IDUA: variants seen among roughly 807,000 people sequenced by gnomAD.
IDUA encodes the protein iduronidase alpha-L-.
IDUA carries 65 observed loss-of-function variants against 68.9 expected under a neutral mutation model. The ratio of observed to expected loss-of-function variants is 0.94; its 90% CI spans 0.77 to 1.16. The LOEUF (loss-of-function observed/expected upper bound fraction) is 1.16, where lower values mean the gene tolerates loss of function less well. Ranked by LOEUF, IDUA falls within the 50% of genes most tolerant of loss-of-function variation. The pLI, the probability that IDUA is intolerant of heterozygous loss-of-function variation, is 0.00. For missense variants in IDUA, 1,046 were observed against 938.0 expected (o/e 1.12, Z -1.50); for synonymous variants, 529 against 433.6 (o/e 1.22, Z -2.73).
Position 1,003,826 on chromosome 4 carries a change from G to A in IDUA, c.1728-186G>A, listed in dbSNP as rs1203976620. The A allele has an allele frequency of 1.8e-5, 14 of 779,816 alleles. No homozygotes were observed. The East Asian group carries it at 2.1e-4, about 12-fold the overall frequency. 48.3% of individuals were successfully genotyped at this position (779,816 alleles called of 1,614,324 possible). On this transcript the variant is annotated intron_variant, in intron 12 of 13. Coordinates refer to ENST00000514224, the MANE Select transcript of IDUA (RefSeq NM_000203.5). ...CAGTGGGGTGTGGGTTCTCCTAGGG[G>A]ACATGAGATGGACATTCGGGCTCCA...
chr4:988,079 C>G, intron 2 of IDUA, 130 bp downstream of exon 2: 2 of 1,455,490 alleles, frequency 1.4e-6, no homozygotes, highest in South Asian at 2.8e-5. Flanking sequence ...TTGGGGAGAG[C>G]GTGTCCTTGC....
At chr4:988,990 C>G in intron 2 of IDUA, 2 of 1,592,938 alleles carry the variant, frequency 1.3e-6, no homozygotes, top group East Asian at 2.3e-5. Context: ...CACAGGCGGG[C>G]TGCAGCAGGC....
intron 2 of IDUA, chr4:990,637 G>A (rs188824201): frequency 1.1e-4 from 53 of 498,200 alleles, no homozygotes; most frequent in African/African-American, 3.1e-4. Flanking sequence ...GCAGCAGCCC[G>A]TTTTATTTCA....
At chr4:994,658 T>C (rs1354667243) in intron 2 of IDUA, among the ~76,000 whole-genome samples, 3 of 152,048 alleles carry the variant, frequency 2.0e-5, no homozygotes, top group African/African-American at 7.2e-5. Context: ...AGGATGGTCT[T>C]GATCTCCTGA....
At chr4:990,857 A>G (rs112159107) in intron 2 of IDUA, 8 of 481,788 alleles carry the variant, frequency 1.7e-5, no homozygotes, top group African/African-American at 1.4e-4. Flanking sequence ...CCACTGAGCC[A>G]CAGCCACACC....
In IDUA at chr4:1,000,973, G is replaced by A; in HGVS notation, c.477G>A (p.Leu159=). 6 of 1,612,610 alleles carry A rather than the reference G, an allele frequency of 3.7e-6. No individual in the cohort carries two copies. The highest frequency in any genetic ancestry group is 5.1e-6 in the Non-Finnish European group (6 of 1,179,316). Residue 159 remains leucine, a synonymous_variant, in exon 4 of 14, where the codon CTG becomes CTA. Transcript: ENST00000514224. ...VFEWKDLVSS[L]ARRYIGRYGL... is the part of the protein sequence containing the mutation. ...AGTGGAAGGACTTGGTCTCCAGCCT[G>A]GCCAGGAGATACATCGGTGGGCGAG...
chr4:1,004,355 C>T lies in IDUA; in HGVS notation c.1924C>T (p.Pro642Ser), dbSNP rs1379718691. 1.2e-6 allele frequency: 2 copies of T among 1,611,632 alleles called. No homozygotes were observed. The highest frequency in any genetic ancestry group is 1.7e-5 in the Admixed American group (1 of 60,004). The part of the protein sequence containing the change: ...FSDPVPYLEV[P>S]VPRGPPSPGN... ...GGACCCTGTGCCGTACCTGGAGGTC[C>T]CTGTGCCAAGAGGGCCCCCATCCCC... The change falls in exon 14 of 14, where the codon CCT (proline) becomes TCT (serine). Residue 642 changes from proline to serine, a missense_variant. Pro to Ser is a moderately conservative substitution (Grantham distance 74). Transcript: ENST00000514224. This position sits in a 1 kb window ranked among gnomAD's most constrained non-coding sequence, Gnocchi z 5.0.
At chr4:991,762 G>A in intron 2 of IDUA, 1 of 1,529,212 alleles carries the variant, frequency 6.5e-7, no homozygotes, top group Non-Finnish European at 8.7e-7. Context: ...GGTCACAGGA[G>A]CCCCCGGATC....
chr4:990,489 G>C, intron 2 of IDUA: 1 of 949,682 alleles, frequency 1.1e-6, no homozygotes, highest in South Asian at 1.7e-5. Context: ...TTGCGGCCCC[G>C]TGTGTTCCAA....
At chr4:997,787 G>A (rs1017667107) in intron 2 of IDUA, among the ~76,000 whole-genome samples, 6 of 152,108 alleles carry the variant, frequency 3.9e-5, no homozygotes, top group Admixed American at 1.3e-4. Flanking sequence ...CTGACCCCGG[G>A]GTTCCTGGGC....
At position 1,004,301 on chromosome 4, in the gene IDUA, G is replaced by A. The variant is rs1715311906; in HGVS notation, c.1870G>A (p.Asp624Asn). ...VSGSYRVRAL[D>N]YWARPGPFSD... The stretch of plus-strand genomic sequence containing the variant: ...TGGCTCCTACCGAGTTCGAGCCCTG[G>A]ACTACTGGGCCCGACCAGGCCCCTT... The change falls in exon 14 of 14, where the codon GAC becomes AAC. Residue 624 changes from aspartate (D) to asparagine (N), a missense_variant. Transcript: ENST00000514224. The surrounding 1 kb of genome is among the most constrained non-coding windows in gnomAD (Gnocchi z 5.0). 2 of 1,611,254 alleles carry A rather than the reference G, an allele frequency of 1.2e-6. No homozygotes were observed. The highest frequency in any genetic ancestry group is 1.7e-6 in the Non-Finnish European group (2 of 1,179,922).
At chr4:989,142 C>T in intron 2 of IDUA, 1 of 1,608,148 alleles carries the variant, frequency 6.2e-7, no homozygotes, top group African/African-American at 1.3e-5. Context: ...CCAGCGCAGC[C>T]CTGGTGCTAA....
At chr4:988,482 C>T in intron 2 of IDUA, 1 of 1,123,008 alleles carries the variant, frequency 8.9e-7, no homozygotes, top group Non-Finnish European at 1.1e-6. Context: ...CTCTTGGCAC[C>T]TTGGAGGCTG....
At chr4:991,423 G>T (rs1440796095) in intron 2 of IDUA, 3 of 1,612,694 alleles carry the variant, frequency 1.9e-6, no homozygotes, top group Non-Finnish European at 2.5e-6. Context: ...CTGCAGCCCG[G>T]CCAGCAATGA....
chr4:990,697 C>A, intron 2 of IDUA: 1 of 429,204 alleles, frequency 2.3e-6, no homozygotes, highest in Non-Finnish European at 4.2e-6. Context: ...CTGCTTCCTA[C>A]ACATGGTGCC....
rs1411778881 is a variant in IDUA at position 1,001,131 on chromosome 4, A to G, written c.493+142A>G. 4.5e-6 allele frequency: 3 copies of G among 664,020 alleles called. No individual in the cohort carries two copies. In the East Asian group the frequency reaches 8.5e-5, roughly 19 times the overall value. The allele number at this position is 664,020 out of a possible 1,614,324, so 41.1% of individuals were successfully genotyped here. A position where few individuals can be genotyped will look rare whatever the true frequency, so the allele number is the denominator to read the frequency against. ...CCCTTGTGGGGGGATGGGGGTGACA[A>G]GGGATAGGTTGGTGGTCGGCGCAGG... On this transcript the variant is annotated intron_variant, in intron 4 of 13. Coordinates refer to ENST00000514224, the MANE Select transcript of IDUA (RefSeq NM_000203.5).
Position 1,002,387 on chromosome 4 carries a change from C to T in IDUA, c.1091C>T (p.Thr364Met), listed in dbSNP as rs121965032. ...CACCCGCACCCCTTCGCGCAGCGCACGCTCACCGCGCGCTTCCAGGTCAAC... is the reference window on the plus strand; with the variant it reads ...CACCCGCACCCCTTCGCGCAGCGCATGCTCACCGCGCGCTTCCAGGTCAAC... ...SYHPHPFAQR[T>M]LTARFQVNNT... The change falls in exon 8 of 14, where the codon ACG (threonine) becomes ATG (methionine). Residue 364 changes from threonine to methionine, a missense_variant. By Grantham distance (81) the Thr-to-Met change is moderately conservative. Transcript: ENST00000514224. The T allele has an allele frequency of 1.9e-6, 3 of 1,607,696 alleles. No homozygotes were observed. Among genetic ancestry groups the T allele is most frequent in the East Asian group, 2.2e-5 (1 of 44,544 alleles).
intron 2 of IDUA, chr4:991,702 A>T (rs1386244708): frequency 5.9e-6 from 9 of 1,536,820 alleles, no homozygotes; most frequent in Non-Finnish European, 7.8e-6. Context: ...GGACTCGTCC[A>T]TCCTGTTGCG....
intron 2 of IDUA, chr4:989,978 C>T (rs1294491060): frequency 6.4e-7 from 1 of 1,558,066 alleles, no homozygotes; most frequent in Non-Finnish European, 8.7e-7. Flanking sequence ...GGGATGTCGC[C>T]AGCCACGCTC....
Sources: gnomAD v4.1 joint callset for allele counts (sites outside exome capture counted in the v4.1 genomes callset) on GRCh38, gnomAD v4.1.1 for gene constraint, Gnocchi (gnomAD v3.1) non-coding constraint, MANE v1.5 for transcripts, NCBI Gene and HGNC (gene_info 2026-07-23, HGNC 2026-07-21) for gene names.